Variants in TCF7L2 observed in about 807,000 individuals in gnomAD.
The protein encoded by TCF7L2 is transcription factor 7-like 2.
In TCF7L2, 23 loss-of-function variants were observed where a neutral mutation model predicts 77.9. The observed-to-expected ratio is 0.30, with a 90% CI of 0.21 to 0.42. The LOEUF (loss-of-function observed/expected upper bound fraction) is 0.42. TCF7L2 is among the 10% of genes least tolerant of loss of function. The probability of loss-of-function intolerance (pLI) is 1.00; values close to 1 mark genes in which losing one functional copy is unlikely to be tolerated. For missense variants in TCF7L2, 654 were observed against 793.1 expected, an observed-to-expected ratio of 0.82 and a Z score of 2.11; for synonymous variants, 413 against 340.2, an observed-to-expected ratio of 1.21 and a Z score of -2.36.
At chr10:113,118,876 T>C (rs999139896) in intron 5 of TCF7L2, among the ~76,000 whole-genome samples, 2 of 152,146 alleles carry the variant, frequency 1.3e-5, no homozygotes, top group Admixed American at 6.5e-5. Flanking sequence ...TTCTAGATGA[T>C]AAATTTAATT....
chr10:113,112,662 GCAAAAGTTCAAAGTCCAC>G (rs547893350), intron 5 of TCF7L2, among the ~76,000 whole-genome samples: 1 of 152,324 alleles, frequency 6.6e-6, no homozygotes, highest in African/African-American at 2.4e-5. Context: ...CATGTGAACA[GCAAAAGTTCAAAGTCCAC>G]CAAAACATCA....
chr10:113,099,140 C>T (rs2061364168), intron 5 of TCF7L2, among the ~76,000 whole-genome samples: 1 of 152,086 alleles, frequency 6.6e-6, no homozygotes, highest in African/African-American at 2.4e-5. Flanking sequence ...TGCTCTGGAA[C>T]CCTTTGTGGA....
chr10:112,994,902 C>T (rs1001208831), intron 4 of TCF7L2, among the ~76,000 whole-genome samples: 1 of 152,098 alleles, frequency 6.6e-6, no homozygotes, highest in African/African-American at 2.4e-5. Flanking sequence ...GAGTTCCAGA[C>T]CAGCCTGGCC....
At chr10:113,007,422 A>G (rs1302471771) in intron 4 of TCF7L2, among the ~76,000 whole-genome samples, 1 of 152,188 alleles carries the variant, frequency 6.6e-6, no homozygotes, top group Non-Finnish European at 1.5e-5. Flanking sequence ...ACAGGCTGGT[A>G]GGCTAAGAGC....
Position 112,966,177 on chromosome 10 carries a change from A to AATATATTTAT in TCF7L2, c.450+1560_450+1569dup, listed in dbSNP as rs1554876795. ...GTGACAAGAGTGAGACTCTGTCTAA[A>AATATATTTAT]ATATATTTATATATATATATATATA... On this transcript the variant is annotated intron_variant, in intron 4 of 13. Transcript: ENST00000627217. 1.3e-3 allele frequency among the ~76,000 whole-genome samples: 57 copies of AATATATTTAT among 45,140 alleles called. 1 individual carries two copies. The highest frequency in any genetic ancestry group is 1.7e-3 in the Admixed American group (5 of 2,926). The allele number at this position is 45,140 out of a possible 152,430, so 29.6% of individuals were successfully genotyped here.
rs71007412 is a variant in TCF7L2 at position 113,101,842 on chromosome 10, C to CAAAAA, written c.553-39331_553-39327dup. Among the ~76,000 whole-genome samples, 6 of 46,000 alleles carry CAAAAA rather than the reference C, an allele frequency of 1.3e-4. 1 individual carries two copies. Among genetic ancestry groups the CAAAAA allele is most frequent in the South Asian group, 1.0e-3 (1 of 998 alleles). 30.2% of individuals were successfully genotyped at this position (46,000 alleles called of 152,430 possible). A position where few individuals can be genotyped will look rare whatever the true frequency, so the allele number is the denominator to read the frequency against. ...TGGGCGACAGAGCGAGACTCCGTCT[C>CAAAAA]AAAAAAAAAAAAAAAGAGAGGTGTG... is the stretch of plus-strand genomic sequence containing the variant. On this transcript the variant is annotated intron_variant, in intron 5 of 13. Transcript: ENST00000627217.
At chr10:113,084,705 G>A (rs2059645181) in intron 5 of TCF7L2, among the ~76,000 whole-genome samples, 1 of 151,966 alleles carries the variant, frequency 6.6e-6, no homozygotes, top group South Asian at 2.1e-4. Flanking sequence ...TACCAGCCTG[G>A]CCAACATGGT....
At chr10:113,002,968 G>T (rs186860275) in intron 4 of TCF7L2, among the ~76,000 whole-genome samples, 30 of 152,186 alleles carry the variant, frequency 2.0e-4, no homozygotes, top group African/African-American at 7.2e-4. Flanking sequence ...ATGGATATGT[G>T]TGCGTGTATG....
chr10:113,031,803 T>A (rs2050266131), intron 4 of TCF7L2, among the ~76,000 whole-genome samples: 1 of 152,202 alleles, frequency 6.6e-6, no homozygotes, highest in Non-Finnish European at 1.5e-5. Flanking sequence ...TTACCTTCTT[T>A]GTGTTAATTC....
intron 13 of TCF7L2, among the ~76,000 whole-genome samples, chr10:113,161,784 G>A (rs746236213): frequency 6.6e-6 from 1 of 152,120 alleles, no homozygotes; most frequent in South Asian, 2.1e-4. Context: ...ATGCCAATAC[G>A]AGAGATCGGT....
At chr10:113,016,870 G>A (rs984749099) in intron 4 of TCF7L2, among the ~76,000 whole-genome samples, 1 of 152,098 alleles carries the variant, frequency 6.6e-6, no homozygotes, top group African/African-American at 2.4e-5. Flanking sequence ...CATCCCACGC[G>A]GGAGCACTCT....
intron 5 of TCF7L2, among the ~76,000 whole-genome samples, chr10:113,092,741 G>A (rs1020312656): frequency 6.6e-6 from 1 of 152,182 alleles, no homozygotes; most frequent in African/African-American, 2.4e-5. Context: ...GCACATGCCT[G>A]TAATCCCAGC....
At chr10:112,960,968 C>T (rs1376534688) in intron 3 of TCF7L2, among the ~76,000 whole-genome samples, 2 of 152,200 alleles carry the variant, frequency 1.3e-5, no homozygotes, top group Non-Finnish European at 1.5e-5. Flanking sequence ...GCTGGGATTA[C>T]AGGCGCGAGC....
chr10:113,142,882 G>C (rs1388809822), intron 6 of TCF7L2, among the ~76,000 whole-genome samples: 1 of 152,172 alleles, frequency 6.6e-6, no homozygotes, highest in African/African-American at 2.4e-5. Flanking sequence ...CTCGATGTAG[G>C]GTCCAAGCCC....
At chr10:113,120,763 T>G (rs2064643600) in intron 5 of TCF7L2, among the ~76,000 whole-genome samples, 1 of 152,154 alleles carries the variant, frequency 6.6e-6, no homozygotes, top group South Asian at 2.1e-4. Flanking sequence ...TGGATTAGAT[T>G]ATGGCCTACA....
In TCF7L2 at chr10:113,137,032, T is replaced by C. The variant is rs544007289; in HGVS notation, c.553-4152T>C. On this transcript the variant is annotated intron_variant, in intron 5 of 13. Coordinates refer to ENST00000627217, the MANE Select transcript of TCF7L2 (RefSeq NM_001146274.2). ...TCATCTCCACCTGCCTTTTTTTTTTTCTTTAACTTTCAGCTCCTCTGTGGC... is the reference window on the plus strand; with the variant it reads ...TCATCTCCACCTGCCTTTTTTTTTTCCTTTAACTTTCAGCTCCTCTGTGGC... Among the ~76,000 whole-genome samples the C allele has an allele frequency of 7.9e-5, 12 of 152,270 alleles. No homozygotes were observed. In the South Asian group the frequency reaches 2.5e-3, roughly 32 times the overall value.
chr10:113,084,905 C>G (rs1271280385), intron 5 of TCF7L2, among the ~76,000 whole-genome samples: 1 of 150,064 alleles, frequency 6.7e-6, no homozygotes, highest in African/African-American at 2.5e-5. Flanking sequence ...CAAGCCACCC[C>G]CCCCCAAAAA....
intron 4 of TCF7L2, among the ~76,000 whole-genome samples, chr10:112,985,425 C>T (rs1427835425): frequency 2.6e-5 from 4 of 152,162 alleles, no homozygotes; most frequent in Non-Finnish European, 5.9e-5. Context: ...ACCCCCTCCC[C>T]CAAGACATAT....
At chr10:112,991,601 G>A (rs2042562670) in intron 4 of TCF7L2, among the ~76,000 whole-genome samples, 2 of 151,824 alleles carry the variant, frequency 1.3e-5, no homozygotes, top group Non-Finnish European at 2.9e-5. Flanking sequence ...GCCAAGGGGA[G>A]TCAGGCTCAG....
Sources: gnomAD v4.1 joint callset for allele counts (sites outside exome capture counted in the v4.1 genomes callset) on GRCh38, gnomAD v4.1.1 for gene constraint, MANE v1.5 for transcripts, NCBI Gene and HGNC (gene_info 2026-07-23, HGNC 2026-07-21) for gene names.